Variants in TSPAN1 observed in about 807,000 individuals in gnomAD.
The protein encoded by TSPAN1 is tetraspanin 1, also known as tetraspanin-1.
TSPAN1 carries 23 observed loss-of-function variants against 26.9 expected under a neutral mutation model. The observed-to-expected ratio is 0.85, with a 90% confidence interval of 0.62 to 1.21. The LOEUF (loss-of-function observed/expected upper bound fraction) is 1.21, where lower values mean the gene tolerates loss of function less well. TSPAN1 is among the 50% of genes most tolerant of loss of function. The probability of loss-of-function intolerance (pLI) is 0.00; values close to 1 mark genes in which losing one functional copy is unlikely to be tolerated. For missense variants in TSPAN1, 283 were observed against 298.4 expected, an observed-to-expected ratio of 0.95 and a Z score of 0.38; for synonymous variants, 115 against 114.8, an observed-to-expected ratio of 1.00 and a Z score of -0.01.
rs200620983 is a variant in TSPAN1 at position 46,177,335 on chromosome 1, CAAA to C, written c.-142+1938_-142+1940del. Among the ~76,000 whole-genome samples, 58 of 138,058 alleles carry C rather than the reference CAAA, an allele frequency of 4.2e-4. 1 individual carries two copies. Among genetic ancestry groups the C allele is most frequent in the South Asian group, 3.2e-3 (14 of 4,382 alleles). 90.6% of individuals were successfully genotyped at this position (138,058 alleles called of 152,430 possible). On this transcript the variant is annotated intron_variant, in intron 1 of 8. Transcript: ENST00000372003. The stretch of plus-strand genomic sequence containing the variant: ...GGGCAACAAGAGTGAAACTCTGTCT[CAAA>C]AAAAAAAAAAATATATCTATCTATC...
chr1:46,186,488 C>CTT (rs751253861), downstream of TSPAN1, among the ~76,000 whole-genome samples: 18 of 130,108 alleles, frequency 1.4e-4, no homozygotes, highest in African/African-American at 3.7e-4. Flanking sequence ...CTTTTCTTTT[C>CTT]TTTTTTTTTT....
downstream of TSPAN1, chr1:46,190,091 G>A (rs1001782757): frequency 4.1e-6 from 4 of 980,852 alleles, no homozygotes; most frequent in African/African-American, 3.3e-5. Context: ...TTGCCACCTT[G>A]AAGTTCTTTT....
intron 3 of TSPAN1, 62 bp from the exon 4 acceptor site, chr1:46,184,129 C>G (rs1465623038): frequency 1.3e-6 from 2 of 1,547,558 alleles, no homozygotes; most frequent in African/African-American, 2.7e-5. Context: ...TCTTACTCAG[C>G]TGTGTGGTAG....
Position 46,185,086 on chromosome 1 carries a change from A to G in TSPAN1, c.565A>G (p.Lys189Glu), listed in dbSNP as rs1047216. Residue 189 changes from lysine to glutamate, a missense_variant, in exon 7 of 9, where the codon AAG becomes GAG. Transcript: ENST00000372003. ...CAACACAGCCAATGAAACCTGCACC[A>G]AGCAAAAGGCTCACGACCAAAAAGT... ...VTNTANETCT[K>E]QKAHDQKVEG... 1 of 1,614,230 alleles carries G rather than the reference A, an allele frequency of 6.2e-7. No homozygotes were observed. The highest frequency in any genetic ancestry group is 8.5e-7 in the Non-Finnish European group (1 of 1,180,046).
intron 1 of TSPAN1, among the ~76,000 whole-genome samples, chr1:46,180,110 A>G (rs535948185): frequency 1.2e-4 from 18 of 152,312 alleles, no homozygotes; most frequent in Admixed American, 8.5e-4. Flanking sequence ...GCACGGACGC[A>G]CACACACACA....
At chr1:46,178,271 C>T (rs1465483655) in intron 1 of TSPAN1, among the ~76,000 whole-genome samples, 3 of 151,674 alleles carry the variant, frequency 2.0e-5, no homozygotes, top group South Asian at 4.2e-4. Context: ...GCAGGAGAAT[C>T]GCTTGAAACT....
rs555771079 is a variant in TSPAN1 at position 46,183,681 on chromosome 1, C to G, written c.58-510C>G. The G allele has an allele frequency of 2.9e-5, 5 of 174,816 alleles. No homozygotes were observed. In the East Asian group the frequency reaches 6.8e-4, roughly 24 times the overall value. 10.8% of individuals were successfully genotyped at this position (174,816 alleles called of 1,614,324 possible). A position where few individuals can be genotyped will look rare whatever the true frequency, so the allele number is the denominator to read the frequency against. On this transcript the variant is annotated intron_variant, in intron 3 of 8. Transcript: ENST00000372003. ...TCTGGAGGGGAGCCAAATGGGGCCTCAGGTGGGTGAACCTTCTCAACCTCC... is the reference window on the plus strand; with the variant it reads ...TCTGGAGGGGAGCCAAATGGGGCCTGAGGTGGGTGAACCTTCTCAACCTCC...
the TSPAN1 span, chr1:46,193,976 G>T: frequency 6.8e-6 from 11 of 1,607,600 alleles, no homozygotes; most frequent in East Asian, 2.2e-4. Context: ...TTCAAACTGG[G>T]ATCCCCACCT....
chr1:46,193,587 CTG>C, the TSPAN1 span: 1 of 1,614,208 alleles, frequency 6.2e-7, no homozygotes, highest in Non-Finnish European at 8.5e-7. Flanking sequence ...TCAATGAAAA[CTG>C]TTATCATCTG....
Position 46,184,379 on chromosome 1 carries a change from CAAG to C in TSPAN1, c.247_249del (p.Lys83del), listed in dbSNP as rs1657378342. On this transcript the variant is annotated inframe_deletion, in exon 4 of 9. Coordinates refer to ENST00000372003, the MANE Select transcript of TSPAN1 (RefSeq NM_005727.4). ...GCTGCTATGGTGCTAAGACTGAGAG[CAAG>C]TGTGCCCTCGTGACGGTGTGTGAAA... is the stretch of plus-strand genomic sequence containing the variant. 6.2e-7 allele frequency: 1 copy of C among 1,613,978 alleles called. No individual in the cohort carries two copies.
At chr1:46,180,971 G>C in intron 2 of TSPAN1, 129 bp from the exon 3 acceptor site, 1 of 732,128 alleles carries the variant, frequency 1.4e-6, no homozygotes, top group East Asian at 2.7e-5. Flanking sequence ...CCAGGTACAG[G>C]AGAAGCTTGG....
At chr1:46,191,303 C>A in the TSPAN1 span, 8 of 203,918 alleles carry the variant, frequency 3.9e-5, no homozygotes, top group South Asian at 9.0e-5. Flanking sequence ...TTCCTTTGGG[C>A]TGGGCTGGCT....
the TSPAN1 span, chr1:46,194,430 G>C: frequency 7.4e-6 from 12 of 1,614,134 alleles, no homozygotes; most frequent in Non-Finnish European, 7.6e-6. Flanking sequence ...TGTCATGGAG[G>C]CATGGGGCCA....
Position 46,185,879 on chromosome 1 carries a change from C to T in TSPAN1, c.*346C>T, listed in dbSNP as rs1464853380. 2.9e-6 allele frequency: 1 copy of T among 344,976 alleles called. No individual in the cohort carries two copies. Among genetic ancestry groups the T allele is most frequent in the African/African-American group, 2.1e-5 (1 of 47,736 alleles). 21.4% of individuals were successfully genotyped at this position (344,976 alleles called of 1,614,324 possible). On this transcript the variant is annotated 3_prime_UTR_variant, in exon 9 of 9. Coordinates refer to ENST00000372003, the MANE Select transcript of TSPAN1 (RefSeq NM_005727.4). ...GGATGAGAGAAAGGCATTTTATAGC[C>T]TGGGCATAAGTGAAATCAGCAGAGC... is the stretch of plus-strand genomic sequence containing the variant.
At position 46,184,226 on chromosome 1, in the gene TSPAN1, G is replaced by A; in HGVS notation, c.93G>A (p.Trp31Ter). 1 of 1,614,146 alleles carries A rather than the reference G, an allele frequency of 6.2e-7. No homozygotes were observed. Among genetic ancestry groups the A allele is most frequent in the South Asian group, 1.1e-5 (1 of 91,076 alleles). ...CAGCCCTGTTGGCAGTGGGCATCTG[G>A]GTGTCAATCGATGGGGCATCCTTTC... is the stretch of plus-strand genomic sequence containing the variant. ...CGAALLAVGI[W>*]VSIDGASFLK... Residue 31 changes from tryptophan to a stop codon, truncating the protein, a stop_gained, in exon 4 of 9, where the codon TGG becomes TGA. Transcript: ENST00000372003. LOFTEE classifies it high-confidence loss of function.
intron 3 of TSPAN1, chr1:46,183,462 G>T (rs976565125): frequency 6.6e-6 from 1 of 152,656 alleles, no homozygotes; most frequent in Admixed American, 6.5e-5. Context: ...CCCTGGGCCG[G>T]GAGGCTTTCC....
chr1:46,190,431 ACT>A, downstream of TSPAN1: 1 of 1,538,670 alleles, frequency 6.5e-7, no homozygotes, highest in Non-Finnish European at 9.0e-7. Flanking sequence ...CCAGTATTTG[ACT>A]CTTTGCTCCC....
At chr1:46,181,049 A>G in intron 2 of TSPAN1, 51 bp from the exon 3 acceptor site, 3 of 1,549,608 alleles carry the variant, frequency 1.9e-6, no homozygotes, top group Non-Finnish European at 2.7e-6. Context: ...GGGCCAGCCC[A>G]GGTGGGCCCA....
intron 1 of TSPAN1, among the ~76,000 whole-genome samples, chr1:46,179,631 G>C (rs1258824434): frequency 6.6e-6 from 1 of 152,196 alleles, no homozygotes; most frequent in Non-Finnish European, 1.5e-5. Context: ...GCTGGAGCAG[G>C]AAGCGGTCAG....
Sources: allele counts gnomAD v4.1 joint callset (sites outside exome capture counted in the v4.1 genomes callset), GRCh38; gene constraint gnomAD v4.1.1; transcripts MANE v1.5; gene names NCBI Gene and HGNC (gene_info 2026-07-23, HGNC 2026-07-21).